Variants in PSD3 observed in about 807,000 individuals in gnomAD.
PSD3 encodes the protein PH and SEC7 domain-containing protein 3.
PSD3 carries 49 observed loss-of-function variants against 105.5 expected under a neutral mutation model. The observed-to-expected ratio is 0.46, with a 90% CI of 0.37 to 0.59. The LOEUF is 0.59. PSD3 is among the 20% of genes least tolerant of loss of function. The pLI, the probability that PSD3 is intolerant of heterozygous loss-of-function variation, is 0.00. For missense variants in PSD3, 1,561 were observed against 1,263.8 expected (o/e 1.24, Z -3.57); for synonymous variants, 557 against 457.8 (o/e 1.22, Z -2.77).
intron 4 of PSD3, among the ~76,000 whole-genome samples, chr8:18,846,832 G>GA (rs926039280): frequency 2.0e-5 from 3 of 152,096 alleles, no homozygotes; most frequent in Middle Eastern, 3.4e-3. Flanking sequence ...GTTGGTGCTG[G>GA]AAAAAACCCT....
At chr8:18,813,272 T>C (rs916883945) in intron 4 of PSD3, among the ~76,000 whole-genome samples, 9 of 151,970 alleles carry the variant, frequency 5.9e-5, no homozygotes, top group Admixed American at 2.0e-4. Flanking sequence ...TGGGTAACAG[T>C]GTGCACACAT....
At chr8:18,576,452 A>T (rs191022860) in intron 12 of PSD3, among the ~76,000 whole-genome samples, 50 of 152,314 alleles carry the variant, frequency 3.3e-4, no homozygotes, top group African/African-American at 1.1e-3. Context: ...TAAAAAACAA[A>T]TACAAGGTAT....
intron 15 of PSD3, among the ~76,000 whole-genome samples, chr8:18,555,851 CT>C (rs1190207297): frequency 6.6e-6 from 1 of 152,108 alleles, no homozygotes; most frequent in Non-Finnish European, 1.5e-5. Context: ...CTCCCTTGTG[CT>C]TTTTTTGACT....
At chr8:18,590,651 C>A (rs756842844) in intron 12 of PSD3, among the ~76,000 whole-genome samples, 13 of 151,936 alleles carry the variant, frequency 8.6e-5, no homozygotes, top group Non-Finnish European at 1.5e-4. Flanking sequence ...GAGATATGTG[C>A]ATGTGTGTGT....
intron 9 of PSD3, among the ~76,000 whole-genome samples, chr8:18,724,177 C>G (rs902899791): frequency 1.3e-5 from 2 of 152,122 alleles, no homozygotes; most frequent in African/African-American, 4.8e-5. Context: ...GATTAGAGAT[C>G]TCAGCATCAG....
chr8:18,940,727 C>A (rs1350437446), intron 1 of PSD3, among the ~76,000 whole-genome samples: 2 of 152,128 alleles, frequency 1.3e-5, no homozygotes, highest in Non-Finnish European at 2.9e-5. Flanking sequence ...TAAATCCTGC[C>A]CTTACATCAA....
intron 15 of PSD3, among the ~76,000 whole-genome samples, chr8:18,543,390 G>A (rs973074716): frequency 1.4e-4 from 21 of 152,058 alleles, no homozygotes; most frequent in Admixed American, 9.2e-4. Context: ...CGAGGCAGGC[G>A]GATCACGAGG....
At chr8:19,049,360 G>C (rs371534372) in intron 1 of PSD3, among the ~76,000 whole-genome samples, 24 of 152,126 alleles carry the variant, frequency 1.6e-4, no homozygotes, top group African/African-American at 5.8e-4. Flanking sequence ...AGCTCCCTGT[G>C]CTTCTAAGAC....
intron 1 of PSD3, among the ~76,000 whole-genome samples, chr8:19,008,456 A>AG (rs1826799753): frequency 6.6e-6 from 1 of 152,184 alleles, no homozygotes; most frequent in Non-Finnish European, 1.5e-5. Context: ...GCAGCCATCT[A>AG]ATGGCATCGT....
chr8:18,854,764 G>C (rs1226639829), intron 4 of PSD3, among the ~76,000 whole-genome samples: 1 of 149,610 alleles, frequency 6.7e-6, no homozygotes. Flanking sequence ...ATAGATTTAA[G>C]TCATTAATAT....
chr8:18,679,716 G>A (rs572443277), intron 9 of PSD3, among the ~76,000 whole-genome samples: 97 of 152,268 alleles, frequency 6.4e-4, no homozygotes, highest in Non-Finnish European at 1.2e-3. Context: ...AGGGTAGCCC[G>A]CCAGGATGCG....
chr8:18,734,913 C>A (rs547503979), intron 9 of PSD3, among the ~76,000 whole-genome samples: 4 of 152,312 alleles, frequency 2.6e-5, no homozygotes, highest in Non-Finnish European at 5.9e-5. Flanking sequence ...TAAAAACGAA[C>A]AGTCCTCATC....
chr8:18,900,368 C>G (rs1214089828), intron 2 of PSD3, among the ~76,000 whole-genome samples: 1 of 152,180 alleles, frequency 6.6e-6, no homozygotes, highest in Non-Finnish European at 1.5e-5. Flanking sequence ...GAGGGAGCTG[C>G]AGTGACAACA....
chr8:18,975,100 G>A (rs1824856932), intron 1 of PSD3, among the ~76,000 whole-genome samples: 1 of 152,102 alleles, frequency 6.6e-6, no homozygotes, highest in Non-Finnish European at 1.5e-5. Context: ...TGGGTGGCAG[G>A]TGGGAAGCAA....
At chr8:18,736,810 C>T (rs923796217) in intron 9 of PSD3, among the ~76,000 whole-genome samples, 5 of 152,186 alleles carry the variant, frequency 3.3e-5, no homozygotes, top group Non-Finnish European at 7.3e-5. Context: ...AGTAATTAGA[C>T]TTATTATTTG....
chr8:18,677,309 G>A (rs1386588191), intron 9 of PSD3, among the ~76,000 whole-genome samples: 1 of 152,134 alleles, frequency 6.6e-6, no homozygotes, highest in Non-Finnish European at 1.5e-5. Context: ...TCAGCGCAGT[G>A]GCTCATGCCT....
intron 10 of PSD3, among the ~76,000 whole-genome samples, chr8:18,651,744 A>G (rs1563423470): frequency 6.6e-6 from 1 of 152,218 alleles, no homozygotes; most frequent in Non-Finnish European, 1.5e-5. Flanking sequence ...AAACTTCAAG[A>G]AAACAGATGG....
intron 9 of PSD3, among the ~76,000 whole-genome samples, chr8:18,722,236 C>G (rs555406165): frequency 3.9e-5 from 6 of 152,032 alleles, no homozygotes; most frequent in Non-Finnish European, 7.4e-5. Flanking sequence ...ATGTATGTGA[C>G]AGAGTCTTAA....
chr8:18,547,986 T>C (rs73209793), intron 15 of PSD3, among the ~76,000 whole-genome samples: 9,766 of 152,266 alleles, frequency 0.064, 394 homozygotes, highest in Non-Finnish European at 0.089. Flanking sequence ...TCTTTCTCCC[T>C]TCCTTTTCAT....
Sources: gnomAD v4.1 joint callset for allele counts (sites outside exome capture counted in the v4.1 genomes callset) on GRCh38, gnomAD v4.1.1 for gene constraint, MANE v1.5 for transcripts, NCBI Gene and HGNC (gene_info 2026-07-23, HGNC 2026-07-21) for gene names.